NFIA: variants seen among roughly 807,000 people sequenced by gnomAD.
NFIA encodes nuclear factor I A.
A neutral mutation model predicts 62.8 loss-of-function variants in NFIA; 8 were observed. That is an observed-to-expected ratio of 0.13 (90% confidence interval 0.07 to 0.23). The LOEUF is 0.23. NFIA is among the 10% of genes least tolerant of loss of function. The pLI is 1.00. For missense variants in NFIA, 410 were observed against 642.1 expected (o/e 0.64, Z 3.91); for synonymous variants, 235 against 238.1 (o/e 0.99, Z 0.12).
intron 3 of NFIA, among the ~76,000 whole-genome samples, chr1:61,330,692 C>T (rs965449483): frequency 2.0e-4 from 30 of 152,172 alleles, no homozygotes; most frequent in Admixed American, 2.0e-4. Context: ...TTTACATTCA[C>T]GCTATACAGA....
At chr1:61,223,873 T>C (rs554646235) in intron 2 of NFIA, among the ~76,000 whole-genome samples, 1 of 152,222 alleles carries the variant, frequency 6.6e-6, no homozygotes, top group East Asian at 1.9e-4. Context: ...CTCAGAAACC[T>C]TCTAGAAAAA....
chr1:61,252,105 A>G (rs1656078671), intron 2 of NFIA, among the ~76,000 whole-genome samples: 1 of 152,190 alleles, frequency 6.6e-6, no homozygotes, highest in Non-Finnish European at 1.5e-5. Flanking sequence ...TGCATCAAAC[A>G]TCAATTCCTA....
chr1:61,166,354 C>G (rs1197577214), intron 2 of NFIA, among the ~76,000 whole-genome samples: 1 of 152,068 alleles, frequency 6.6e-6, no homozygotes, highest in Non-Finnish European at 1.5e-5. Context: ...AAATGACTTG[C>G]CTGAGATATG....
chr1:61,143,443 A>G (rs1647687922), intron 2 of NFIA, among the ~76,000 whole-genome samples: 1 of 152,080 alleles, frequency 6.6e-6, no homozygotes, highest in Non-Finnish European at 1.5e-5. Context: ...AGGCTGGAGT[A>G]TAGTGGTGCA....
At chr1:61,413,176 TATA>T (rs1276156325) in intron 9 of NFIA, among the ~76,000 whole-genome samples, 5 of 152,194 alleles carry the variant, frequency 3.3e-5, no homozygotes, top group Non-Finnish European at 4.4e-5. Context: ...AATAGAAGCA[TATA>T]ATAAGTTACC....
chr1:61,402,451 TG>T (rs1307130544), intron 7 of NFIA, among the ~76,000 whole-genome samples: 2 of 152,220 alleles, frequency 1.3e-5, no homozygotes, highest in African/African-American at 4.8e-5. Context: ...TATTAACCTC[TG>T]TTTATTCAGT....
intron 2 of NFIA, among the ~76,000 whole-genome samples, chr1:61,250,602 A>G (rs1159877222): frequency 6.6e-6 from 1 of 152,206 alleles, no homozygotes; most frequent in Admixed American, 6.5e-5. Context: ...GGGCCAATTT[A>G]GTGCCTGTTG....
At chr1:61,327,859 G>A (rs377545133) in intron 3 of NFIA, among the ~76,000 whole-genome samples, 2 of 152,006 alleles carry the variant, frequency 1.3e-5, no homozygotes, top group African/African-American at 4.8e-5. Context: ...CATAGAGATG[G>A]TACTTATTCT....
rs138320618 is a variant in NFIA at position 61,306,350 on chromosome 1, C to A, written c.626-26162C>A. ...GGAGTGCAGTGAAGCCATCTCTGCT[C>A]ACGCAACCTCCCCCTCCTGGGTTCA... On this transcript the variant is annotated intron_variant, in intron 3 of 10. Coordinates refer to ENST00000403491, the MANE Select transcript of NFIA (RefSeq NM_001134673.4). Among the ~76,000 whole-genome samples the A allele has an allele frequency of 7.6e-3, 1,029 of 134,874 alleles. 7 individuals carry two copies. The highest frequency in any genetic ancestry group is 0.015 in the East Asian group (58 of 3,812). 88.5% of individuals were successfully genotyped at this position (134,874 alleles called of 152,430 possible).
intron 7 of NFIA, among the ~76,000 whole-genome samples, chr1:61,393,627 C>T (rs1013176249): frequency 5.3e-5 from 8 of 152,064 alleles, no homozygotes; most frequent in Non-Finnish European, 2.9e-5. Context: ...TCCCTGTCCA[C>T]CCATGGAGTC....
chr1:61,321,688 C>T (rs528977840), intron 3 of NFIA, among the ~76,000 whole-genome samples: 4 of 151,914 alleles, frequency 2.6e-5, no homozygotes, highest in South Asian at 2.1e-4. Flanking sequence ...TGCAACATGA[C>T]GATTATTACT....
intron 3 of NFIA, among the ~76,000 whole-genome samples, chr1:61,280,531 C>G (rs114753622): frequency 6.6e-6 from 1 of 152,074 alleles, no homozygotes; most frequent in Admixed American, 6.6e-5. Context: ...TAATGGGAAA[C>G]GAATGGTATT....
At chr1:61,300,790 G>T (rs1252243139) in intron 3 of NFIA, among the ~76,000 whole-genome samples, 2 of 151,856 alleles carry the variant, frequency 1.3e-5, no homozygotes, top group African/African-American at 4.8e-5. Context: ...ACACATAGAG[G>T]TACATACACA....
chr1:61,156,813 C>T (rs1439022243), intron 2 of NFIA, among the ~76,000 whole-genome samples: 1 of 152,206 alleles, frequency 6.6e-6, no homozygotes, highest in Non-Finnish European at 1.5e-5. Flanking sequence ...CTTAACTTCA[C>T]TTTGCTTTAA....
Position 61,460,412 on chromosome 1 carries a change from C to T in NFIA, c.*5092C>T, listed in dbSNP as rs1668483901. The T allele has an allele frequency of 6.6e-6, 1 of 152,182 alleles. No individual in the cohort carries two copies. Among genetic ancestry groups the T allele is most frequent in the Non-Finnish European group, 1.5e-5 (1 of 68,028 alleles). The allele number at this position is 152,182 out of a possible 1,614,324, so 9.4% of individuals were successfully genotyped here. A position where few individuals can be genotyped will look rare whatever the true frequency, so the allele number is the denominator to read the frequency against. ...TTTAATGTTTAATGCAAATCCATTACATGGTGCTATTATAGGCTGACAAAA... is the reference window on the plus strand; with the variant it reads ...TTTAATGTTTAATGCAAATCCATTATATGGTGCTATTATAGGCTGACAAAA... On this transcript the variant is annotated 3_prime_UTR_variant, in exon 11 of 11. Coordinates refer to ENST00000403491, the MANE Select transcript of NFIA (RefSeq NM_001134673.4).
At chr1:61,182,562 A>G (rs1299717163) in intron 2 of NFIA, among the ~76,000 whole-genome samples, 2 of 152,352 alleles carry the variant, frequency 1.3e-5, no homozygotes, top group Middle Eastern at 3.4e-3. Flanking sequence ...TAATTTGTGT[A>G]GGGACGTAAA....
intron 2 of NFIA, among the ~76,000 whole-genome samples, chr1:61,124,453 G>A (rs915884626): frequency 3.3e-5 from 5 of 152,084 alleles, no homozygotes; most frequent in South Asian, 2.1e-4. Flanking sequence ...TAGACAGGAA[G>A]AATTGTATTA....
At chr1:61,162,232 C>G (rs1052147673) in intron 2 of NFIA, among the ~76,000 whole-genome samples, 2 of 152,128 alleles carry the variant, frequency 1.3e-5, no homozygotes, top group Non-Finnish European at 2.9e-5. Context: ...CGAGGAGTCA[C>G]CTGGGAAGCT....
At chr1:61,246,673 C>CT (rs1655669175) in intron 2 of NFIA, among the ~76,000 whole-genome samples, 2 of 152,088 alleles carry the variant, frequency 1.3e-5, no homozygotes, top group Non-Finnish European at 2.9e-5. Context: ...GGTGGGATGA[C>CT]TGATTTATGG....
Sources: allele counts gnomAD v4.1 joint callset (sites outside exome capture counted in the v4.1 genomes callset), GRCh38; gene constraint gnomAD v4.1.1; transcripts MANE v1.5; gene names NCBI Gene and HGNC (gene_info 2026-07-23, HGNC 2026-07-21).